The following CHRM2 variants were observed in gnomAD, a reference collection of about 807,000 sequenced individuals.
CHRM2 encodes muscarinic acetylcholine receptor M2.
A neutral mutation model predicts 25.0 loss-of-function variants in CHRM2; 8 were observed. The ratio of observed to expected loss-of-function variants is 0.32; its 90% CI spans 0.19 to 0.58. The LOEUF is 0.58. Among genes scored for constraint, CHRM2 ranks in the 20% least tolerant of loss-of-function variants. The probability of loss-of-function intolerance (pLI) is 0.88; values close to 1 mark genes in which losing one functional copy is unlikely to be tolerated. For synonymous variants in CHRM2, 202 were observed against 205.7 expected (o/e 0.98, Z 0.15); for missense variants, 440 against 567.1 (o/e 0.78, Z 2.28).
chr7:137,012,995 G>C lies in CHRM2; in HGVS notation c.-46-1825G>C, dbSNP rs142729400. On this transcript the variant is annotated intron_variant, in intron 3 of 3. Transcript: ENST00000680005. The stretch of plus-strand genomic sequence containing the variant: ...ATTTGCATCTTTAAACTGTGGGGTT[G>C]AGTATCATTTCATATGTTTAAAAGT... 2.9e-3 allele frequency among the ~76,000 whole-genome samples: 443 copies of C among 152,022 alleles called. 3 individuals are homozygous for C. In the East Asian group the frequency reaches 0.034, roughly 12 times the overall value.
chr7:136,968,026 CTTTATCT>C (rs746943508), intron 2 of CHRM2, among the ~76,000 whole-genome samples: 1 of 151,824 alleles, frequency 6.6e-6, no homozygotes, highest in Non-Finnish European at 1.5e-5. Flanking sequence ...GTGTTCACTG[CTTTATCT>C]TTTAACACTT....
Position 136,996,936 on chromosome 7 carries a change from T to C in CHRM2, c.-47+4672T>C, listed in dbSNP as rs138082995. ...ATTTAAAAATTTGAAGAGTTAAGTA[T>C]AAAAATCCAGATTTTCAGTGTTTCT... On this transcript the variant is annotated intron_variant, in intron 3 of 3. Transcript: ENST00000680005. Among the ~76,000 whole-genome samples, 782 of 152,274 alleles carry C rather than the reference T, an allele frequency of 5.1e-3. 11 individuals carry two copies. The highest frequency in any genetic ancestry group is 0.017 in the African/African-American group (719 of 41,568).
At position 136,881,696 on chromosome 7, in the gene CHRM2, C is replaced by A. The variant is rs189365732; in HGVS notation, c.-125+12278C>A. Among the ~76,000 whole-genome samples the A allele has an allele frequency of 6.6e-5, 10 of 152,048 alleles. No individual in the cohort carries two copies. In the East Asian group the frequency reaches 1.9e-3, roughly 29 times the overall value. The stretch of plus-strand genomic sequence containing the variant: ...TGTCTTTACTTTCCTGTGATTATAT[C>A]TTTTACATGATTTTTTAAATTCAGA... On this transcript the variant is annotated intron_variant, in intron 2 of 3. Transcript: ENST00000680005.
At chr7:136,934,538 C>T (rs1395013945) in intron 2 of CHRM2, among the ~76,000 whole-genome samples, 2 of 152,000 alleles carry the variant, frequency 1.3e-5, no homozygotes, top group African/African-American at 4.8e-5. Flanking sequence ...CACTTATTTG[C>T]CTTTTAGAAC....
intron 2 of CHRM2, among the ~76,000 whole-genome samples, chr7:136,886,735 GGTGGTGCACACTT>G (rs1238158123): frequency 1.6e-4 from 25 of 151,946 alleles, no homozygotes; most frequent in Non-Finnish European, 2.8e-4. Context: ...AGCCAGGTGT[GGTGGTGCACACTT>G]GTAGTCCTAG....
At chr7:136,916,376 C>T (rs1306090616) in intron 2 of CHRM2, among the ~76,000 whole-genome samples, 1 of 151,814 alleles carries the variant, frequency 6.6e-6, no homozygotes, top group Non-Finnish European at 1.5e-5. Context: ...CTGCCTTGGA[C>T]TTCATTGAAG....
intron 3 of CHRM2, among the ~76,000 whole-genome samples, chr7:137,002,708 A>G (rs908790805): frequency 2.6e-5 from 4 of 152,180 alleles, no homozygotes; most frequent in Non-Finnish European, 1.5e-5. Context: ...AGTAAATAAT[A>G]AAAGTGACAT....
intron 2 of CHRM2, among the ~76,000 whole-genome samples, chr7:136,965,525 G>T (rs775303745): frequency 6.6e-6 from 1 of 151,782 alleles, no homozygotes; most frequent in Non-Finnish European, 1.5e-5. Flanking sequence ...AAACAGAAAA[G>T]GCACACATAA....
chr7:137,003,122 A>C (rs1253593138), intron 3 of CHRM2, among the ~76,000 whole-genome samples: 1 of 152,270 alleles, frequency 6.6e-6, no homozygotes, highest in East Asian at 1.9e-4. Context: ...CTGGGTACGA[A>C]GTTATGGAAG....
At chr7:136,916,830 CTCTT>C (rs1036842607) in intron 2 of CHRM2, among the ~76,000 whole-genome samples, 19 of 140,782 alleles carry the variant, frequency 1.3e-4, no homozygotes, top group East Asian at 7.9e-4. Context: ...CATTCTCCCT[CTCTT>C]TCTCTCTCTC....
At chr7:137,007,094 G>A (rs1804493078) in intron 3 of CHRM2, among the ~76,000 whole-genome samples, 1 of 152,094 alleles carries the variant, frequency 6.6e-6, no homozygotes, top group Non-Finnish European at 1.5e-5. Flanking sequence ...TATGCGAAAG[G>A]AGAAAAAGAG....
chr7:136,897,639 G>A (rs979963888), intron 2 of CHRM2, among the ~76,000 whole-genome samples: 4 of 151,606 alleles, frequency 2.6e-5, no homozygotes, highest in Non-Finnish European at 2.9e-5. Flanking sequence ...ATAGTTAAAG[G>A]GTGGTGGATT....
At chr7:136,875,327 C>G (rs1466252185) in intron 2 of CHRM2, among the ~76,000 whole-genome samples, 1 of 152,030 alleles carries the variant, frequency 6.6e-6, no homozygotes, top group African/African-American at 2.4e-5. Flanking sequence ...TAATATCAAG[C>G]TGCACATTTT....
chr7:136,884,773 C>A (rs1443590766), intron 2 of CHRM2, among the ~76,000 whole-genome samples: 1 of 152,098 alleles, frequency 6.6e-6, no homozygotes. Context: ...ATGCCAGAAG[C>A]CTTGTTTGTA....
chr7:137,015,145 G>A lies in CHRM2; in HGVS notation c.280G>A (p.Val94Met), dbSNP rs1373256763. ...TVIGYWPLGP[V>M]VCDLWLALDY... ...GATTGGTTACTGGCCTTTGGGACCT[G>A]TGGTGTGTGACCTTTGGCTAGCCCT... Residue 94 changes from valine to methionine, a missense_variant, in exon 4 of 4, where the codon GTG becomes ATG. Val to Met is a conservative substitution (Grantham distance 21). This residue lies in a region of CHRM2 where 86 missense variants were observed against 124.9 expected (regional missense o/e 0.69). Transcript: ENST00000680005. This position sits in a 1 kb window ranked among gnomAD's most constrained non-coding sequence, Gnocchi z 5.1. 1.3e-5 allele frequency: 21 copies of A among 1,613,570 alleles called. No homozygotes were observed. The highest frequency in any genetic ancestry group is 1.8e-5 in the Non-Finnish European group (21 of 1,179,660).
intron 2 of CHRM2, among the ~76,000 whole-genome samples, chr7:136,900,972 T>C (rs1406761843): frequency 6.6e-6 from 1 of 152,112 alleles, no homozygotes; most frequent in Admixed American, 6.6e-5. Context: ...AATCAAGGCA[T>C]GGATATATTC....
At position 137,017,298 on chromosome 7, in the gene CHRM2, T is replaced by C. The variant is rs191566353; in HGVS notation, c.*1032T>C. ...GATTAAAAAATAGAAGTTTAGGACT[T>C]TCTATTTCAACCTGAATTTGCCTGA... On this transcript the variant is annotated 3_prime_UTR_variant, in exon 4 of 4. Transcript: ENST00000680005. 6.6e-6 allele frequency: 1 copy of C among 152,094 alleles called. No homozygotes were observed. Among genetic ancestry groups the C allele is most frequent in the African/African-American group, 2.4e-5 (1 of 41,538 alleles). The allele number at this position is 152,094 out of a possible 1,614,324, so 9.4% of individuals were successfully genotyped here.
intron 2 of CHRM2, among the ~76,000 whole-genome samples, chr7:136,886,806 G>A (rs750352372): frequency 2.6e-5 from 4 of 152,106 alleles, no homozygotes; most frequent in Non-Finnish European, 5.9e-5. Context: ...CCAGCAGGTC[G>A]AGGCTGCAGT....
Position 137,006,463 on chromosome 7 carries a change from A to T in CHRM2, c.-46-8357A>T, listed in dbSNP as rs143213633. 3.5e-3 allele frequency among the ~76,000 whole-genome samples: 533 copies of T among 152,192 alleles called. 1 individual carries two copies. The highest frequency in any genetic ancestry group is 6.2e-3 in the Non-Finnish European group (422 of 67,996). On this transcript the variant is annotated intron_variant, in intron 3 of 3. Coordinates refer to ENST00000680005, the MANE Select transcript of CHRM2 (RefSeq NM_001006630.2). Reference sequence around the variant, plus strand: ...ACATGGAGTGGAAGTTTGTCCCAGCATCACTAAGAATAGTATTACGTTTGA... The same window carrying T: ...ACATGGAGTGGAAGTTTGTCCCAGCTTCACTAAGAATAGTATTACGTTTGA...
Sources: gnomAD v4.1 joint callset for allele counts (sites outside exome capture counted in the v4.1 genomes callset) on GRCh38, gnomAD v4.1.1 for gene constraint, gnomAD v4.1.1 regional missense constraint, Gnocchi (gnomAD v3.1) non-coding constraint, MANE v1.5 for transcripts, NCBI Gene and HGNC (gene_info 2026-07-23, HGNC 2026-07-21) for gene names.